THOC7: variants seen among roughly 807,000 people sequenced by gnomAD.
THOC7 encodes NIF3L1-binding protein 1.
A neutral mutation model predicts 33.1 loss-of-function variants in THOC7; 22 were observed. That is an observed-to-expected ratio of 0.66 (90% CI 0.47 to 0.95). The LOEUF (loss-of-function observed/expected upper bound fraction) is 0.95. Among genes scored for constraint, THOC7 ranks in the 40% least tolerant of loss-of-function variants. THOC7 has a pLI of 0.00. For missense variants in THOC7, 184 were observed against 245.3 expected (o/e 0.75, Z 1.67); for synonymous variants, 77 against 76.8 (o/e 1.00, Z -0.01).
chr3:63,847,826 AC>A (rs2107145908), intron 1 of THOC7, among the ~76,000 whole-genome samples: 1 of 152,336 alleles, frequency 6.6e-6, no homozygotes, highest in East Asian at 1.9e-4. Context: ...GAAACTGTAA[AC>A]CAAAAATAAA....
chr3:63,861,686 T>C (rs1364719142), intron 1 of THOC7: 1 of 152,164 alleles, frequency 6.6e-6, no homozygotes, highest in Non-Finnish European at 1.5e-5. Flanking sequence ...GAATAATACC[T>C]AACAGCACTA....
At chr3:63,844,381 ACT>A (rs1339533850) in intron 1 of THOC7, among the ~76,000 whole-genome samples, 2 of 152,084 alleles carry the variant, frequency 1.3e-5, no homozygotes, top group African/African-American at 4.8e-5. Flanking sequence ...AAAAATGATA[ACT>A]CTGTGAGGTA....
upstream of THOC7, chr3:63,863,920 G>T (rs1702314741): frequency 4.3e-6 from 4 of 931,720 alleles, no homozygotes; most frequent in Non-Finnish European, 5.2e-6. Flanking sequence ...GCCCGCGGCC[G>T]CCTGCTCCGA....
chr3:63,842,295 C>T (rs1320092178), intron 1 of THOC7, among the ~76,000 whole-genome samples: 1 of 152,028 alleles, frequency 6.6e-6, no homozygotes, highest in African/African-American at 2.4e-5. Flanking sequence ...AGGCTATTAT[C>T]AAAAAGACAA....
intron 1 of THOC7, among the ~76,000 whole-genome samples, chr3:63,853,594 G>A (rs1702057151): frequency 6.6e-6 from 1 of 152,158 alleles, no homozygotes; most frequent in Non-Finnish European, 1.5e-5. Context: ...CAAAAAATAT[G>A]TTATCCTTAT....
At chr3:63,842,120 C>T (rs1015234729) in intron 1 of THOC7, among the ~76,000 whole-genome samples, 1 of 151,928 alleles carries the variant, frequency 6.6e-6, no homozygotes, top group Admixed American at 6.6e-5. Context: ...ATGTCCCCTC[C>T]AAAACTCATG....
chr3:63,858,616 G>T (rs1366400696), intron 1 of THOC7, among the ~76,000 whole-genome samples: 1 of 152,124 alleles, frequency 6.6e-6, no homozygotes, highest in Non-Finnish European at 1.5e-5. Context: ...CTTCTGAAAT[G>T]ATTTCTATCA....
intron 1 of THOC7, among the ~76,000 whole-genome samples, chr3:63,844,691 C>A (rs773735712): frequency 5.3e-5 from 8 of 152,148 alleles, no homozygotes; most frequent in Non-Finnish European, 1.2e-4. Context: ...AGCTCCATTT[C>A]TTTTCTCCAT....
chr3:63,864,311 G>A (rs1392471463), upstream of THOC7, among the ~76,000 whole-genome samples: 1 of 151,892 alleles, frequency 6.6e-6, no homozygotes, highest in Non-Finnish European at 1.5e-5. Context: ...CGTTTCCCTG[G>A]GGGGTGGGGA....
intron 1 of THOC7, among the ~76,000 whole-genome samples, chr3:63,845,611 CT>C (rs1290982009): frequency 3.3e-5 from 5 of 152,076 alleles, no homozygotes; most frequent in African/African-American, 2.4e-5. Flanking sequence ...TATGTGTGTT[CT>C]TTTTTTCTTA....
rs188792780 is a variant in THOC7, at chr3:63,843,528, T to G, written c.20-3755A>C. 2.1e-3 allele frequency among the ~76,000 whole-genome samples: 323 copies of G among 152,310 alleles called. 2 individuals carry two copies. Among genetic ancestry groups the G allele is most frequent in the Middle Eastern group, 6.8e-3 (2 of 294 alleles). On this transcript the variant is annotated intron_variant, in intron 1 of 7. Coordinates refer to ENST00000295899, the MANE Select transcript of THOC7 (RefSeq NM_025075.4). ...CAGTATGTCAAAGAGGTATCTGCAC[T>G]CCAACGTTTATAGCAGCCTTATTCA... is the stretch of plus-strand genomic sequence containing the variant.
rs546141875 is a variant in THOC7, at chr3:63,834,109, G to A, written c.*23C>T. ...TCATGTAGCTATTTCAATATTCCTG[G>A]GAGTGGTGGGCAATTAGCCTGTCTA... On this transcript the variant is annotated 3_prime_UTR_variant, in exon 8 of 8. Transcript: ENST00000295899. The A allele has an allele frequency of 6.2e-7, 1 of 1,612,504 alleles. No individual in the cohort carries two copies. Among genetic ancestry groups the A allele is most frequent in the Non-Finnish European group, 8.5e-7 (1 of 1,178,926 alleles).
chr3:63,851,580 C>T (rs938557403), intron 1 of THOC7, among the ~76,000 whole-genome samples: 4 of 152,110 alleles, frequency 2.6e-5, no homozygotes, highest in Admixed American at 6.5e-5. Flanking sequence ...TTAAATCTTC[C>T]GTGGGTATAA....
intron 1 of THOC7, among the ~76,000 whole-genome samples, chr3:63,850,855 G>C (rs1003074630): frequency 7.9e-5 from 12 of 152,036 alleles, no homozygotes; most frequent in African/African-American, 2.9e-4. Context: ...CCAAAGTGTT[G>C]GGATTACAGG....
At chr3:63,862,409 C>G (rs1286716725) in intron 1 of THOC7, among the ~76,000 whole-genome samples, 1 of 152,198 alleles carries the variant, frequency 6.6e-6, no homozygotes, top group Non-Finnish European at 1.5e-5. Flanking sequence ...ATATTTGTCA[C>G]TCTTAAAACT....
intron 1 of THOC7, among the ~76,000 whole-genome samples, chr3:63,847,325 T>C (rs1426986749): frequency 6.6e-6 from 1 of 152,242 alleles, no homozygotes; most frequent in African/African-American, 2.4e-5. Context: ...GTTTTAACCA[T>C]GGCCATTTTA....
rs889056554 is a variant in THOC7, at chr3:63,863,791, G to A, written c.-1C>T. On this transcript the variant is annotated 5_prime_UTR_variant, in exon 1 of 8. Coordinates refer to ENST00000295899, the MANE Select transcript of THOC7 (RefSeq NM_025075.4). The stretch of plus-strand genomic sequence containing the variant: ...CCTCACCGTCAGTCACGGCTCCCAT[G>A]GCGTGCGCGGCGGCGGCGGCGGCGG... The A allele has an allele frequency of 4.0e-6, 5 of 1,249,686 alleles. No homozygotes were observed. Among genetic ancestry groups the A allele is most frequent in the Non-Finnish European group, 5.0e-6 (5 of 1,005,500 alleles). The allele number at this position is 1,249,686 out of a possible 1,614,324, so 77.4% of individuals were successfully genotyped here. A position where few individuals can be genotyped will look rare whatever the true frequency, so the allele number is the denominator to read the frequency against.
intron 2 of THOC7, among the ~76,000 whole-genome samples, chr3:63,839,120 G>A (rs954436940): frequency 6.6e-6 from 1 of 152,064 alleles, no homozygotes; most frequent in African/African-American, 2.4e-5. Flanking sequence ...AACCTGGGGG[G>A]CGGAGGTTGC....
Position 63,838,472 on chromosome 3 carries a change from G to A in THOC7, c.165C>T (p.Ser55=). 2 of 1,609,494 alleles carry A rather than the reference G, an allele frequency of 1.2e-6. No homozygotes were observed. The highest frequency in any genetic ancestry group is 1.7e-6 in the Non-Finnish European group (2 of 1,178,682). The change falls in exon 3 of 8, where the codon AGC becomes AGT. Residue 55 remains serine, a synonymous_variant. Transcript: ENST00000295899. ...TTGAAAATTCACATTGAGACAGCGT[G>A]CTCAGCATACGTTGGTACTGGCTAT... The part of the protein sequence containing the change: ...EGYSQYQRML[S]TLSQCEFSMG...
Sources: allele counts gnomAD v4.1 joint callset (sites outside exome capture counted in the v4.1 genomes callset), GRCh38; gene constraint gnomAD v4.1.1; transcripts MANE v1.5; gene names NCBI Gene and HGNC (gene_info 2026-07-23, HGNC 2026-07-21).